The following RUNX1T1 variants were observed in gnomAD, a reference collection of about 807,000 sequenced individuals.
The protein encoded by RUNX1T1 is RUNX1 partner transcriptional co-repressor 1.
In RUNX1T1, 4 loss-of-function variants were observed where a neutral mutation model predicts 62.8. The observed-to-expected ratio is 0.06, with a 90% CI of 0.03 to 0.15. The LOEUF (loss-of-function observed/expected upper bound fraction) is 0.15, where lower values mean the gene tolerates loss of function less well. RUNX1T1 is among the 10% of genes least tolerant of loss of function. The pLI, the probability that RUNX1T1 is intolerant of heterozygous loss-of-function variation, is 1.00. For missense variants in RUNX1T1, 508 were observed against 754.3 expected, an observed-to-expected ratio of 0.67 and a Z score of 3.82; for synonymous variants, 291 against 286.0, an observed-to-expected ratio of 1.02 and a Z score of -0.18.
chr8:92,090,675 G>A (rs1468576265), intron 1 of RUNX1T1, among the ~76,000 whole-genome samples: 1 of 152,174 alleles, frequency 6.6e-6, no homozygotes, highest in African/African-American at 2.4e-5. Flanking sequence ...GAGTAGAAAT[G>A]GCCACTGAAG....
chr8:92,001,096 C>G (rs1819664014), intron 5 of RUNX1T1, among the ~76,000 whole-genome samples: 1 of 151,990 alleles, frequency 6.6e-6, no homozygotes, highest in South Asian at 2.1e-4. Flanking sequence ...GAGCCTGAGG[C>G]AGCAGGTTCA....
chr8:92,012,815 G>A (rs1239573770), intron 3 of RUNX1T1, among the ~76,000 whole-genome samples: 1 of 151,076 alleles, frequency 6.6e-6, no homozygotes, highest in East Asian at 1.9e-4. Flanking sequence ...TGGCTTGTAA[G>A]CCAAATGTTT....
At chr8:92,086,622 C>T (rs984116729) in intron 1 of RUNX1T1, among the ~76,000 whole-genome samples, 2 of 152,178 alleles carry the variant, frequency 1.3e-5, no homozygotes, top group African/African-American at 2.4e-5. Flanking sequence ...TTCTGAAGCT[C>T]TTCTCTAGAA....
At chr8:91,999,927 G>C (rs963961741) in intron 5 of RUNX1T1, among the ~76,000 whole-genome samples, 1 of 152,166 alleles carries the variant, frequency 6.6e-6, no homozygotes. Flanking sequence ...AAAGCAGCAA[G>C]AAATCAGGCT....
intron 1 of RUNX1T1, among the ~76,000 whole-genome samples, chr8:92,092,549 C>T (rs1205558070): frequency 2.6e-5 from 4 of 152,156 alleles, no homozygotes; most frequent in Non-Finnish European, 5.9e-5. Flanking sequence ...TCTCGGAATG[C>T]TCAGTATGCA....
At chr8:91,968,383 T>C (rs544977260) in intron 10 of RUNX1T1, among the ~76,000 whole-genome samples, 2 of 152,282 alleles carry the variant, frequency 1.3e-5, no homozygotes, top group South Asian at 4.1e-4. Flanking sequence ...TACAGTGCAC[T>C]CTCCGGTAAG....
chr8:91,956,564 T>G (rs1416112952), downstream of RUNX1T1: 2 of 218,478 alleles, frequency 9.2e-6, no homozygotes, highest in Non-Finnish European at 1.8e-5. Flanking sequence ...ACTTTAAAGA[T>G]TCACAGGTTG....
intron 1 of RUNX1T1, among the ~76,000 whole-genome samples, chr8:92,094,219 C>T (rs1261439160): frequency 1.3e-5 from 2 of 152,168 alleles, no homozygotes; most frequent in Non-Finnish European, 2.9e-5. Context: ...AACATGCCCC[C>T]CTGGCTTTAA....
chr8:92,035,886 T>C (rs1477856152), intron 1 of RUNX1T1, among the ~76,000 whole-genome samples: 3 of 152,118 alleles, frequency 2.0e-5, no homozygotes, highest in Admixed American at 6.5e-5. Context: ...TTGGGGAACC[T>C]AGAACCATAA....
exon 2 of RUNX1T1, chr8:92,076,126 G>A: frequency 6.5e-7 from 1 of 1,541,000 alleles, no homozygotes; most frequent in Non-Finnish European, 8.7e-7. Flanking sequence ...CCAGCCCAGA[G>A]ATCAATCTTT....
upstream of RUNX1T1, among the ~76,000 whole-genome samples, chr8:92,101,723 C>A (rs1838045582): frequency 6.6e-6 from 1 of 152,130 alleles, no homozygotes; most frequent in Non-Finnish European, 1.5e-5. Context: ...CAAACTTTTC[C>A]AAGGGTTGAC....
chr8:92,026,813 C>T (rs552798106), intron 1 of RUNX1T1, among the ~76,000 whole-genome samples: 2 of 147,944 alleles, frequency 1.4e-5, no homozygotes, highest in South Asian at 4.3e-4. Flanking sequence ...GAGAGCGAGA[C>T]CCAGTCTCAA....
rs965935560 is a variant in RUNX1T1, at chr8:92,039,144, G to T, written c.8-21781C>A. Among the ~76,000 whole-genome samples, 146 of 137,092 alleles carry T rather than the reference G, an allele frequency of 1.1e-3. No individual in the cohort carries two copies. The East Asian group carries it at 0.016, about 15-fold the overall frequency. 89.9% of individuals were successfully genotyped at this position (137,092 alleles called of 152,430 possible). On this transcript the variant is annotated intron_variant, in intron 1 of 10. Coordinates refer to ENST00000396218, the Ensembl canonical transcript of RUNX1T1. ...AATCCAAAAGGCAATTTTTGTTGTTGTTTTTTTTTTTTTTTTGAGACAGAG... is the reference window on the plus strand; with the variant it reads ...AATCCAAAAGGCAATTTTTGTTGTTTTTTTTTTTTTTTTTTTGAGACAGAG...
Position 92,017,509 on chromosome 8 carries a change from C to T in RUNX1T1, c.8-146G>A. The T allele has an allele frequency of 5.9e-6, 9 of 1,529,788 alleles. No individual in the cohort carries two copies. In the South Asian group the frequency reaches 9.8e-5, roughly 17 times the overall value. 94.8% of individuals were successfully genotyped at this position (1,529,788 alleles called of 1,614,324 possible). On this transcript the variant is annotated intron_variant, in intron 1 of 10. Coordinates refer to ENST00000396218, the Ensembl canonical transcript of RUNX1T1. Reference sequence around the variant, plus strand: ...TACACTTATCTACTGACGTTTAAATCAGGATTTTATCATCCAAACCCCACT... The same window carrying T: ...TACACTTATCTACTGACGTTTAAATTAGGATTTTATCATCCAAACCCCACT...
chr8:92,052,234 C>G (rs1169300380), intron 1 of RUNX1T1, among the ~76,000 whole-genome samples: 1 of 152,074 alleles, frequency 6.6e-6, no homozygotes, highest in Non-Finnish European at 1.5e-5. Context: ...TCCAAACTTC[C>G]AAGACTAACT....
intron 10 of RUNX1T1, among the ~76,000 whole-genome samples, chr8:91,963,471 A>G (rs1810962692): frequency 7.4e-6 from 1 of 135,210 alleles, no homozygotes; most frequent in African/African-American, 3.9e-5. Context: ...AGCTCATTAG[A>G]AAACTGAAAG....
intron 8 of RUNX1T1, among the ~76,000 whole-genome samples, chr8:91,982,146 G>A (rs899647401): frequency 1.3e-5 from 2 of 151,086 alleles, no homozygotes; most frequent in African/African-American, 4.9e-5. Context: ...TACTTAGGGG[G>A]CTGAGGTGGG....
At chr8:92,099,988 G>A (rs1293467468), upstream of RUNX1T1, among the ~76,000 whole-genome samples, 1 of 152,020 alleles carries the variant, frequency 6.6e-6, no homozygotes, top group Non-Finnish European at 1.5e-5. Flanking sequence ...ACCTCAATGG[G>A]AGAGCACATC....
At chr8:92,067,079 A>C (rs988207309), upstream of RUNX1T1, among the ~76,000 whole-genome samples, 10 of 152,240 alleles carry the variant, frequency 6.6e-5, no homozygotes, top group African/African-American at 2.4e-5. Flanking sequence ...TGCCATCTTA[A>C]GAATTTGAAG....
Sources: gnomAD v4.1 joint callset for allele counts (sites outside exome capture counted in the v4.1 genomes callset) on GRCh38, gnomAD v4.1.1 for gene constraint, MANE v1.5 for transcripts, NCBI Gene and HGNC (gene_info 2026-07-23, HGNC 2026-07-21) for gene names.